Variants in PLEKHA6 observed in about 807,000 individuals in gnomAD.
The protein encoded by PLEKHA6 is pleckstrin homology domain-containing family A member 6.
In PLEKHA6, 60 loss-of-function variants were observed where a neutral mutation model predicts 116.7. That is an observed-to-expected ratio of 0.51 (90% CI 0.42 to 0.64). PLEKHA6 has a LOEUF of 0.64. PLEKHA6 is among the 30% of genes least tolerant of loss of function. The pLI is 0.00. For synonymous variants in PLEKHA6, 489 were observed against 556.1 expected, an observed-to-expected ratio of 0.88 and a Z score of 1.70; for missense variants, 1,338 against 1,422.7, an observed-to-expected ratio of 0.94 and a Z score of 0.96.
chr1:204,228,990 G>T lies in PLEKHA6; in HGVS notation c.2698C>A (p.Leu900Ile). 6.2e-7 allele frequency: 1 copy of T among 1,614,172 alleles called. No homozygotes were observed. The highest frequency in any genetic ancestry group is 8.5e-7 in the Non-Finnish European group (1 of 1,180,030). The change falls in exon 19 of 23, where the codon CTT (leucine) becomes ATT (isoleucine). Residue 900 changes from leucine (L) to isoleucine (I), a missense_variant. Leu to Ile is a conservative substitution (Grantham distance 5). Transcript: ENST00000272203. This position sits in a 1 kb window ranked among gnomAD's most constrained non-coding sequence, Gnocchi z 4.0. ...YETPREEIAR[L>I]RKMELEPQHY... ...TGGGGCTCTAGCTCCATTTTGCGAA[G>T]CCGGGCAATTTCCTCCCGGGGTGTC...
chr1:204,246,134 T>A (rs1023492554), intron 13 of PLEKHA6, among the ~76,000 whole-genome samples: 2 of 152,126 alleles, frequency 1.3e-5, no homozygotes, highest in African/African-American at 4.8e-5. Flanking sequence ...TAATACCCAC[T>A]CCCAGCGTAC....
At position 204,261,087 on chromosome 1, in the gene PLEKHA6, G is replaced by A. The variant is rs866352346; in HGVS notation, c.524+219C>T. On this transcript the variant is annotated intron_variant, in intron 7 of 22. Coordinates refer to ENST00000272203, the MANE Select transcript of PLEKHA6 (RefSeq NM_014935.5). The surrounding 1 kb of genome is among the most constrained non-coding windows in gnomAD (Gnocchi z 4.0). The stretch of plus-strand genomic sequence containing the variant: ...ACCTGGCTTTTCTCTTGGCCTTCCC[G>A]AGCTCAGAGAGAAGAGGAGGAGCTG... 2.6e-5 allele frequency among the ~76,000 whole-genome samples: 4 copies of A among 152,134 alleles called. No individual in the cohort carries two copies. In the East Asian group the frequency reaches 5.8e-4, roughly 22 times the overall value.
chr1:204,299,603 A>C, intron 1 of PLEKHA6: 2 of 983,628 alleles, frequency 2.0e-6, no homozygotes, highest in Non-Finnish European at 2.4e-6. Context: ...TTGAGGGGAG[A>C]AAACATCTCG....
chr1:204,301,207 C>T (rs1334697964), intron 1 of PLEKHA6: 9 of 981,806 alleles, frequency 9.2e-6, no homozygotes, highest in Non-Finnish European at 1.1e-5. Flanking sequence ...TCTCTAGCTC[C>T]AGAAGACAGG....
chr1:204,264,910 C>A (rs986067276), intron 6 of PLEKHA6, 32 bp downstream of exon 6: 1 of 1,468,504 alleles, frequency 6.8e-7, no homozygotes, highest in Non-Finnish European at 9.6e-7. Context: ...CCTTCCTTCC[C>A]CACCTGCCCT....
intron 1 of PLEKHA6, among the ~76,000 whole-genome samples, chr1:204,373,390 A>T (rs1398782059): frequency 1.3e-5 from 2 of 149,328 alleles, no homozygotes; most frequent in Non-Finnish European, 3.0e-5. Context: ...GTCTCTGGCT[A>T]TTTTTTTTTT....
intron 17 of PLEKHA6, among the ~76,000 whole-genome samples, chr1:204,231,798 C>G (rs541642361): frequency 2.6e-4 from 39 of 152,148 alleles, no homozygotes; most frequent in Middle Eastern, 3.4e-3. Context: ...GTTTTTGAAC[C>G]CTTAGCTTCC....
At chr1:204,368,092 A>G (rs916532414) in intron 2 of PLEKHA6, among the ~76,000 whole-genome samples, 2 of 152,218 alleles carry the variant, frequency 1.3e-5, no homozygotes, top group African/African-American at 4.8e-5. Context: ...TCCTCCGTCA[A>G]TGAGCGGTGA....
chr1:204,280,339 CATGTATGTTT>C (rs1211431688), intron 1 of PLEKHA6: 70 of 985,280 alleles, frequency 7.1e-5, no homozygotes, highest in Non-Finnish European at 8.1e-5. Context: ...CTTTTGCAGG[CATGTATGTTT>C]ACACATGCAC....
chr1:204,299,710 T>C, intron 1 of PLEKHA6: 4 of 850,356 alleles, frequency 4.7e-6, no homozygotes, highest in Non-Finnish European at 5.7e-6. Context: ...TGCCCCCTCA[T>C]GTCTTCTTTA....
intron 3 of PLEKHA6, among the ~76,000 whole-genome samples, chr1:204,270,159 C>T (rs1272821730): frequency 1.3e-5 from 2 of 152,228 alleles, no homozygotes; most frequent in East Asian, 3.8e-4. Flanking sequence ...TGGATTTCTA[C>T]AAGACTATTG....
At position 204,264,923 on chromosome 1, in the gene PLEKHA6, G is replaced by A. The variant is rs1448437490; in HGVS notation, c.381+19C>T. On this transcript the variant is annotated intron_variant, in intron 6 of 22. Coordinates refer to ENST00000272203, the MANE Select transcript of PLEKHA6 (RefSeq NM_014935.5). ...GGCCTTCCTTCCCCACCTGCCCTGGGAAGGGAAGGCCAACTGACCTTAAAC... is the reference window on the plus strand; with the variant it reads ...GGCCTTCCTTCCCCACCTGCCCTGGAAAGGGAAGGCCAACTGACCTTAAAC... 3.8e-6 allele frequency: 6 copies of A among 1,563,684 alleles called. No individual in the cohort carries two copies. In the South Asian group the frequency reaches 4.4e-5, roughly 12 times the overall value.
intron 1 of PLEKHA6, among the ~76,000 whole-genome samples, chr1:204,339,050 T>C (rs1328622254): frequency 6.6e-6 from 1 of 152,138 alleles, no homozygotes; most frequent in Non-Finnish European, 1.5e-5. Flanking sequence ...AGTCTTGCAG[T>C]TTCCACTTGG....
At chr1:204,314,655 CCTT>C (rs1453277360) in intron 1 of PLEKHA6, among the ~76,000 whole-genome samples, 2 of 152,218 alleles carry the variant, frequency 1.3e-5, no homozygotes, top group African/African-American at 2.4e-5. Flanking sequence ...GCAGAATCCT[CCTT>C]AACTTCTTCT....
At position 204,304,456 on chromosome 1, in the gene PLEKHA6, C is replaced by T. The variant is rs1430950970; in HGVS notation, c.-94-29647G>A. On this transcript the variant is annotated intron_variant, in intron 1 of 22. Coordinates refer to ENST00000272203, the MANE Select transcript of PLEKHA6 (RefSeq NM_014935.5). ...TTCAGAAATCTGCCCCAAAAGTGGC[C>T]TTATCAGGGACAACCAATATAAGAT... Among the ~76,000 whole-genome samples the T allele has an allele frequency of 3.3e-5, 5 of 152,274 alleles. No individual in the cohort carries two copies. The East Asian group carries it at 9.6e-4, about 29-fold the overall frequency.
intron 9 of PLEKHA6, among the ~76,000 whole-genome samples, chr1:204,254,561 T>A (rs1037796531): frequency 6.6e-6 from 1 of 152,190 alleles, no homozygotes; most frequent in South Asian, 2.1e-4. Flanking sequence ...TTGGAGTCAC[T>A]GTCCAAGCTC....
chr1:204,303,579 C>T (rs1183476686), intron 1 of PLEKHA6, among the ~76,000 whole-genome samples: 1 of 152,210 alleles, frequency 6.6e-6, no homozygotes, highest in African/African-American at 2.4e-5. Flanking sequence ...ATTCTGGCAG[C>T]TGGGCACCTG....
chr1:204,358,151 C>T (rs1332250848), intron 1 of PLEKHA6, among the ~76,000 whole-genome samples: 3 of 152,208 alleles, frequency 2.0e-5, no homozygotes, highest in Non-Finnish European at 4.4e-5. Flanking sequence ...TTTATCACCT[C>T]GCCGCTGATT....
intron 21 of PLEKHA6, among the ~76,000 whole-genome samples, chr1:204,224,623 T>A (rs1420045680): frequency 6.6e-6 from 1 of 152,184 alleles, no homozygotes; most frequent in Non-Finnish European, 1.5e-5. Flanking sequence ...CTCGCATGGA[T>A]GTGAAGTTTT....
Sources: allele counts gnomAD v4.1 joint callset (sites outside exome capture counted in the v4.1 genomes callset), GRCh38; gene constraint gnomAD v4.1.1; non-coding constraint Gnocchi (gnomAD v3.1); transcripts MANE v1.5; gene names NCBI Gene and HGNC (gene_info 2026-07-23, HGNC 2026-07-21).